CLDN10: variants seen among roughly 807,000 people sequenced by gnomAD.
The protein encoded by CLDN10 is claudin-10.
A neutral mutation model predicts 22.9 loss-of-function variants in CLDN10; 15 were observed. That is an observed-to-expected ratio of 0.65 (90% CI 0.44 to 1.01). The LOEUF is 1.01. Ranked by LOEUF, CLDN10 falls within the 50% of genes least tolerant of loss-of-function variation. CLDN10 has a pLI of 0.00. For missense variants in CLDN10, 247 were observed against 287.8 expected (o/e 0.86, Z 1.03); for synonymous variants, 114 against 111.4 (o/e 1.02, Z -0.15).
rs1283067103 is a variant in CLDN10, at chr13:95,498,183, C to T, written c.215-61949C>T. On this transcript the variant is annotated intron_variant, in intron 1 of 4. Transcript: ENST00000376873. ...GCACCTCCTTGGAGCTGCCAGGCAG[C>T]CCTCATCTCCCAGCATGACTATCCT... 2.0e-5 allele frequency among the ~76,000 whole-genome samples: 3 copies of T among 152,240 alleles called. No homozygotes were observed. The South Asian group carries it at 6.2e-4, about 32-fold the overall frequency.
In CLDN10 at chr13:95,532,792, C is replaced by CAA. The variant is rs57500288; in HGVS notation, c.215-27319_215-27318dup. 9.7e-3 allele frequency among the ~76,000 whole-genome samples: 597 copies of CAA among 61,864 alleles called. 35 individuals carry two copies. Among genetic ancestry groups the CAA allele is most frequent in the East Asian group, 0.05 (85 of 1,714 alleles). The allele number at this position is 61,864 out of a possible 152,430, so 40.6% of individuals were successfully genotyped here. ...CTTCAGATACTGGAACTCAATTCAG[C>CAA]AAAAAAAAAAAAAAAAAAAAAAGAA... On this transcript the variant is annotated intron_variant, in intron 1 of 4. Coordinates refer to the CLDN10 transcript ENST00000376873.
At chr13:95,441,047 C>A (rs1214481827) in intron 1 of CLDN10, among the ~76,000 whole-genome samples, 1 of 152,210 alleles carries the variant, frequency 6.6e-6, no homozygotes, top group Non-Finnish European at 1.5e-5. Flanking sequence ...ATCCTGGTCT[C>A]CCCCGTACCT....
At chr13:95,534,628 A>T (rs1248252144) in intron 1 of CLDN10, among the ~76,000 whole-genome samples, 1 of 152,198 alleles carries the variant, frequency 6.6e-6, no homozygotes, top group African/African-American at 2.4e-5. Context: ...TAGTTATAAT[A>T]ACTACTACTA....
chr13:95,524,431 G>A (rs1015448093), intron 1 of CLDN10, among the ~76,000 whole-genome samples: 2 of 152,078 alleles, frequency 1.3e-5, no homozygotes, highest in Admixed American at 6.6e-5. Context: ...CTTTGCGTCC[G>A]GGTTCTTTCA....
intron 1 of CLDN10, among the ~76,000 whole-genome samples, chr13:95,436,432 G>C (rs2042272521): frequency 6.6e-6 from 1 of 152,008 alleles, no homozygotes; most frequent in South Asian, 2.1e-4. Context: ...CAATCCTACT[G>C]CCTTGGCCTC....
At chr13:95,468,893 A>C (rs192405517) in intron 1 of CLDN10, among the ~76,000 whole-genome samples, 1 of 152,300 alleles carries the variant, frequency 6.6e-6, no homozygotes, top group Non-Finnish European at 1.5e-5. Context: ...TTAGGATAGA[A>C]GGTTTTTATT....
chr13:95,477,478 T>C (rs2042695986), intron 1 of CLDN10, among the ~76,000 whole-genome samples: 2 of 152,134 alleles, frequency 1.3e-5, no homozygotes. Context: ...GAGGACTCCT[T>C]CCAGGGGGAG....
chr13:95,474,171 T>TG (rs2042662724), intron 1 of CLDN10, among the ~76,000 whole-genome samples: 1 of 152,192 alleles, frequency 6.6e-6, no homozygotes. Flanking sequence ...CGGTCCCATC[T>TG]GGGGGTGATG....
At chr13:95,442,736 T>C (rs1362150205) in intron 1 of CLDN10, among the ~76,000 whole-genome samples, 2 of 152,192 alleles carry the variant, frequency 1.3e-5, no homozygotes, top group Non-Finnish European at 2.9e-5. Flanking sequence ...GACAGTTTAA[T>C]ATATGGGTTT....
At chr13:95,473,858 C>A (rs2042659693) in intron 1 of CLDN10, among the ~76,000 whole-genome samples, 1 of 152,200 alleles carries the variant, frequency 6.6e-6, no homozygotes, top group South Asian at 2.1e-4. Flanking sequence ...TCGGAGGGAA[C>A]AAACCCCTGC....
At chr13:95,530,505 G>A (rs1459413894) in intron 1 of CLDN10, among the ~76,000 whole-genome samples, 1 of 152,082 alleles carries the variant, frequency 6.6e-6, no homozygotes, top group African/African-American at 2.4e-5. Flanking sequence ...ACCACTCTTC[G>A]CCCTTCCCTG....
At chr13:95,556,633 G>T (rs1308364518) in intron 1 of CLDN10, among the ~76,000 whole-genome samples, 3 of 152,218 alleles carry the variant, frequency 2.0e-5, no homozygotes, top group Admixed American at 6.5e-5. Flanking sequence ...GCCTCAAAGA[G>T]ATTAGGTCCT....
intron 1 of CLDN10, among the ~76,000 whole-genome samples, chr13:95,527,042 T>G (rs1381439271): frequency 6.6e-6 from 1 of 152,046 alleles, no homozygotes; most frequent in East Asian, 1.9e-4. Context: ...GAAATATGAG[T>G]GTCAAACTTC....
chr13:95,554,733 G>T (rs2043612101), intron 1 of CLDN10, among the ~76,000 whole-genome samples: 1 of 152,166 alleles, frequency 6.6e-6, no homozygotes, highest in Non-Finnish European at 1.5e-5. Context: ...TAATAGAAGT[G>T]ACTTGACTCT....
chr13:95,524,267 G>A (rs553542686), intron 1 of CLDN10, among the ~76,000 whole-genome samples: 5 of 152,160 alleles, frequency 3.3e-5, no homozygotes, highest in Admixed American at 2.6e-4. Context: ...CCTTTCACAC[G>A]TTTTGAAAAG....
chr13:95,440,669 A>C (rs79586832), intron 1 of CLDN10, among the ~76,000 whole-genome samples: 2 of 152,196 alleles, frequency 1.3e-5, no homozygotes, highest in Admixed American at 6.5e-5. Flanking sequence ...TCCAAGAAGC[A>C]TTCGACATGT....
rs781560670 is a variant in CLDN10, at chr13:95,552,721, AG to A, written c.-32del. 12 of 1,589,430 alleles carry A rather than the reference AG, an allele frequency of 7.5e-6. No individual in the cohort carries two copies. In the African/African-American group the frequency reaches 1.5e-4, roughly 20 times the overall value. Reference sequence around the variant, plus strand: ...TGCGGGGGTCGCGGCGCAGAGTGGGAGCCGGAGAGCGAGCGCGGCTGCAGCC... The same window carrying A: ...TGCGGGGGTCGCGGCGCAGAGTGGGACCGGAGAGCGAGCGCGGCTGCAGCC... On this transcript the variant is annotated 5_prime_UTR_variant, in exon 1 of 5. Transcript: ENST00000299339.
intron 1 of CLDN10, among the ~76,000 whole-genome samples, chr13:95,530,866 C>T (rs2043334970): frequency 6.6e-6 from 1 of 151,810 alleles, no homozygotes; most frequent in South Asian, 2.1e-4. Context: ...AAGATCCTTC[C>T]TAGAAACACC....
chr13:95,517,035 C>G (rs988505902), intron 1 of CLDN10, among the ~76,000 whole-genome samples: 1 of 145,900 alleles, frequency 6.9e-6, no homozygotes, highest in Non-Finnish European at 1.5e-5. Flanking sequence ...CCCTCCCTCT[C>G]TCCCTTTTTT....
Sources: gnomAD v4.1 joint callset for allele counts (sites outside exome capture counted in the v4.1 genomes callset) on GRCh38, gnomAD v4.1.1 for gene constraint, MANE v1.5 for transcripts, NCBI Gene and HGNC (gene_info 2026-07-23, HGNC 2026-07-21) for gene names.